RTN1: variants seen among roughly 807,000 people sequenced by gnomAD.
RTN1 encodes the protein reticulon 1, also known as reticulon-1.
A neutral mutation model predicts 65.5 loss-of-function variants in RTN1; 25 were observed. The ratio of observed to expected loss-of-function variants is 0.38; its 90% CI spans 0.28 to 0.53. RTN1 has a LOEUF of 0.53. RTN1 is among the 20% of genes least tolerant of loss of function. The probability of loss-of-function intolerance (pLI) is 0.79; values close to 1 mark genes in which losing one functional copy is unlikely to be tolerated. For synonymous variants in RTN1, 471 were observed against 447.6 expected, an observed-to-expected ratio of 1.05 and a Z score of -0.66; for missense variants, 983 against 1,025.4, an observed-to-expected ratio of 0.96 and a Z score of 0.57.
intron 3 of RTN1, among the ~76,000 whole-genome samples, chr14:59,655,811 G>T (rs1883111384): frequency 1.3e-5 from 2 of 152,138 alleles, no homozygotes; most frequent in South Asian, 4.2e-4. Flanking sequence ...TTGGACCTCT[G>T]CCTTACACCA....
chr14:59,630,187 T>C (rs778497193), intron 3 of RTN1, among the ~76,000 whole-genome samples: 10 of 146,574 alleles, frequency 6.8e-5, no homozygotes, highest in African/African-American at 1.3e-4. Flanking sequence ...GAGGAGGCGA[T>C]TGATGCATTA....
intron 7 of RTN1, 35 bp downstream of exon 7, chr14:59,603,177 T>C (rs202204198): frequency 6.2e-7 from 1 of 1,612,168 alleles, no homozygotes. Context: ...GAGGTCAAAA[T>C]TCAATGCCAT....
At chr14:59,862,517 T>TACCATTACTCTAGC (rs1328625357) in intron 1 of RTN1, among the ~76,000 whole-genome samples, 1 of 152,134 alleles carries the variant, frequency 6.6e-6, no homozygotes, top group African/African-American at 2.4e-5. Context: ...CTTACTCTAG[T>TACCATTACTCTAGC]ACCATTACTC....
At position 59,766,745 on chromosome 14, in the gene RTN1, A is replaced by C. The variant is rs1449323913; in HGVS notation, c.242-20264T>G. ...GAGTGTTGAATACCTGCTATGTGCC[A>C]GTCACCATGCTCGGTGCTTAAAGTC... On this transcript the variant is annotated intron_variant, in intron 1 of 8. Transcript: ENST00000267484. The surrounding 1 kb of genome is among the most constrained non-coding windows in gnomAD (Gnocchi z 4.4). Among the ~76,000 whole-genome samples, 1 of 152,114 alleles carries C rather than the reference A, an allele frequency of 6.6e-6. No individual in the cohort carries two copies. Among genetic ancestry groups the C allele is most frequent in the African/African-American group, 2.4e-5 (1 of 41,406 alleles).
chr14:59,844,963 A>T (rs1269647263), intron 1 of RTN1, among the ~76,000 whole-genome samples: 1 of 152,212 alleles, frequency 6.6e-6, no homozygotes, highest in African/African-American at 2.4e-5. Context: ...AATTATAAGA[A>T]TGCAACTGTG....
chr14:59,707,355 C>T (rs552592985), intron 3 of RTN1, among the ~76,000 whole-genome samples: 1 of 152,268 alleles, frequency 6.6e-6, no homozygotes, highest in African/African-American at 2.4e-5. Flanking sequence ...CCTTCTTTGA[C>T]CATCGTATTT....
rs553872698 is a variant in RTN1, at chr14:59,846,181, C to T, written c.241+24209G>A. Reference sequence around the variant, plus strand: ...GAATGAGGATGATGCAAGAAGAGAACCAGTACCACAGCTGTGACTTCTTCC... The same window carrying T: ...GAATGAGGATGATGCAAGAAGAGAATCAGTACCACAGCTGTGACTTCTTCC... On this transcript the variant is annotated intron_variant, in intron 1 of 8. Transcript: ENST00000267484. This position sits in a 1 kb window ranked among gnomAD's most constrained non-coding sequence, Gnocchi z 4.8. 2.6e-5 allele frequency among the ~76,000 whole-genome samples: 4 copies of T among 152,264 alleles called. No homozygotes were observed. The highest frequency in any genetic ancestry group is 7.2e-5 in the African/African-American group (3 of 41,550).
At chr14:59,812,858 C>T (rs1039216553) in intron 1 of RTN1, among the ~76,000 whole-genome samples, 4 of 152,100 alleles carry the variant, frequency 2.6e-5, no homozygotes, top group Non-Finnish European at 5.9e-5. Flanking sequence ...CAATAATTTG[C>T]AACGAAATGG....
intron 3 of RTN1, among the ~76,000 whole-genome samples, chr14:59,671,240 T>TA (rs912937566): frequency 6.6e-6 from 1 of 152,172 alleles, no homozygotes; most frequent in Non-Finnish European, 1.5e-5. Flanking sequence ...TTTGAGCATT[T>TA]AAAAAAATTA....
chr14:59,736,750 T>C (rs1206599713), intron 2 of RTN1, among the ~76,000 whole-genome samples: 2 of 152,202 alleles, frequency 1.3e-5, no homozygotes, highest in African/African-American at 4.8e-5. Flanking sequence ...GCCAATATTG[T>C]TGATGAACAC....
chr14:59,658,056 G>A (rs1180007959), intron 3 of RTN1, among the ~76,000 whole-genome samples: 4 of 152,220 alleles, frequency 2.6e-5, no homozygotes, highest in African/African-American at 7.2e-5. Flanking sequence ...CAGGTTGGTG[G>A]GGGGAGGGGC....
rs191676344 is a variant in RTN1, at chr14:59,853,573, T to C, written c.241+16817A>G. ...CCGGCATTCAGTGCACCCAGAACTC[T>C]GCCCAGACCTTCACATGTTCCAACC... On this transcript the variant is annotated intron_variant, in intron 1 of 8. Transcript: ENST00000267484. Among the ~76,000 whole-genome samples the C allele has an allele frequency of 5.3e-5, 8 of 152,304 alleles. No homozygotes were observed. In the East Asian group the frequency reaches 1.5e-3, roughly 29 times the overall value.
At chr14:59,798,655 A>G (rs1265487059) in intron 1 of RTN1, among the ~76,000 whole-genome samples, 2 of 152,094 alleles carry the variant, frequency 1.3e-5, no homozygotes, top group African/African-American at 4.8e-5. Context: ...TGCCTCATCT[A>G]AGGACTCTTG....
intron 3 of RTN1, among the ~76,000 whole-genome samples, chr14:59,678,015 C>A (rs1952039): frequency 0.69 from 105,312 of 152,088 alleles, 36,945 homozygotes; most frequent in Non-Finnish European, 0.74. Context: ...CTATTCTAGG[C>A]ATTTTAGAAA....
intron 3 of RTN1, among the ~76,000 whole-genome samples, chr14:59,689,222 G>A (rs1883907531): frequency 6.6e-6 from 1 of 152,146 alleles, no homozygotes; most frequent in African/African-American, 2.4e-5. Context: ...TTCAGTGCGT[G>A]AAGACCAGTC....
intron 1 of RTN1, among the ~76,000 whole-genome samples, chr14:59,793,351 A>G (rs1288615775): frequency 6.6e-6 from 1 of 152,214 alleles, no homozygotes; most frequent in Non-Finnish European, 1.5e-5. Context: ...CATGTGAACT[A>G]TGGTCTCCAC....
chr14:59,723,607 C>T (rs1375830686), intron 3 of RTN1, among the ~76,000 whole-genome samples: 7 of 152,066 alleles, frequency 4.6e-5, no homozygotes, highest in African/African-American at 1.7e-4. Context: ...CAGAGCGAGA[C>T]TCCGTCTCAA....
rs762713779 is a variant in RTN1, at chr14:59,746,014, G to A, written c.709C>T (p.Arg237Cys). Residue 237 changes from arginine to cysteine, a missense_variant, in exon 2 of 9, where the codon CGT (arginine) becomes TGT (cysteine). Arg to Cys is a radical substitution (Grantham distance 180). Transcript: ENST00000267484. The stretch of plus-strand genomic sequence containing the variant: ...ACAGGAGCTGGTTTGTCAGGTTCAC[G>A]GACTCCTTCAGGTTTAATTGAGATG... ...TDISIKPEGV[R>C]EPDKPAPVEG... 1.8e-5 allele frequency: 29 copies of A among 1,613,986 alleles called. No individual in the cohort carries two copies. The highest frequency in any genetic ancestry group is 2.7e-5 in the African/African-American group (2 of 74,880).
intron 3 of RTN1, among the ~76,000 whole-genome samples, chr14:59,682,446 T>C (rs980591492): frequency 1.5e-4 from 23 of 152,206 alleles, no homozygotes; most frequent in African/African-American, 5.1e-4. Context: ...TTCCTGCTGT[T>C]GAAGTTTATA....
Sources: allele counts gnomAD v4.1 joint callset (sites outside exome capture counted in the v4.1 genomes callset), GRCh38; gene constraint gnomAD v4.1.1; non-coding constraint Gnocchi (gnomAD v3.1); transcripts MANE v1.5; gene names NCBI Gene and HGNC (gene_info 2026-07-23, HGNC 2026-07-21).